Variants in CSMD3 observed in about 807,000 individuals in gnomAD.
CSMD3 encodes CUB and sushi domain-containing protein 3.
A neutral mutation model predicts 435.2 loss-of-function variants in CSMD3; 177 were observed. That is an observed-to-expected ratio of 0.41 (90% CI 0.36 to 0.46). The LOEUF (loss-of-function observed/expected upper bound fraction) is 0.46. CSMD3 is among the 20% of genes least tolerant of loss of function. The probability of loss-of-function intolerance (pLI) is 0.34; values close to 1 mark genes in which losing one functional copy is unlikely to be tolerated. For synonymous variants in CSMD3, 1,656 were observed against 1,520.5 expected (o/e 1.09, Z -2.07); for missense variants, 4,265 against 4,504.6 (o/e 0.95, Z 1.52).
chr8:112,406,689 G>A lies in CSMD3; in HGVS notation c.5644C>T (p.Pro1882Ser), dbSNP rs144106629. The A allele has an allele frequency of 1.2e-6, 2 of 1,611,078 alleles. No homozygotes were observed. The highest frequency in any genetic ancestry group is 2.2e-5 in the East Asian group (1 of 44,750). Reference protein sequence around the residue: ...RTSSTQCSSVPEPRFGRRIGN... With the variant: ...RTSSTQCSSVSEPRFGRRIGN... ...ATTCTTCTTCCGAATCTTGGTTCAG[G>A]CACAGAACTGCATTGTGTAGAACTT... Residue 1882 changes from proline to serine, a missense_variant, in exon 35 of 71, where the codon CCT becomes TCT. Around this residue, in one of 3 missense-constraint regions of CSMD3, gnomAD observed 3,255 missense variants for 3,380.2 expected, o/e 0.96. Coordinates refer to ENST00000297405, the MANE Select transcript of CSMD3 (RefSeq NM_198123.2).
Position 112,945,588 on chromosome 8 carries a change from A to ATGTGTG in CSMD3, c.1508+2196_1508+2201dup, listed in dbSNP as rs10574750. ...AAATATAATAAGAGAATACAGAAAT[A>ATGTGTG]TGTGTGTGTGTGTGTGTGTGTGTGT... On this transcript the variant is annotated intron_variant, in intron 9 of 70. Coordinates refer to ENST00000297405, the MANE Select transcript of CSMD3 (RefSeq NM_198123.2). 6.6e-3 allele frequency among the ~76,000 whole-genome samples: 932 copies of ATGTGTG among 140,676 alleles called. 4 individuals carry two copies. The highest frequency in any genetic ancestry group is 0.015 in the Middle Eastern group (4 of 262). The allele number at this position is 140,676 out of a possible 152,430, so 92.3% of individuals were successfully genotyped here. A position where few individuals can be genotyped will look rare whatever the true frequency, so the allele number is the denominator to read the frequency against.
intron 1 of CSMD3, among the ~76,000 whole-genome samples, chr8:113,371,627 A>T (rs1352802392): frequency 6.6e-6 from 1 of 152,210 alleles, no homozygotes; most frequent in Non-Finnish European, 1.5e-5. Context: ...AGTCAATAAC[A>T]GTGGAAGGTT....
chr8:112,284,886 C>T (rs1819022356), intron 58 of CSMD3, among the ~76,000 whole-genome samples: 1 of 151,822 alleles, frequency 6.6e-6, no homozygotes, highest in African/African-American at 2.4e-5. Context: ...TCTAGTTTTG[C>T]TGCTCCCGCA....
At chr8:112,489,975 A>G (rs1820528423) in intron 31 of CSMD3, among the ~76,000 whole-genome samples, 1 of 152,170 alleles carries the variant, frequency 6.6e-6, no homozygotes. Flanking sequence ...TATTCACATC[A>G]TAATATAGAT....
Position 113,084,609 on chromosome 8 carries a change from AT to A in CSMD3, c.917+14146del, listed in dbSNP as rs560543790. On this transcript the variant is annotated intron_variant, in intron 5 of 70. Coordinates refer to ENST00000297405, the MANE Select transcript of CSMD3 (RefSeq NM_198123.2). ...ATAAAAAATATAAAAAAATTCTAAA[AT>A]TTGAATGGAACCAAAAAAAAAAAAA... 3.0e-3 allele frequency among the ~76,000 whole-genome samples: 370 copies of A among 125,242 alleles called. 1 individual carries two copies. Among genetic ancestry groups the A allele is most frequent in the Non-Finnish European group, 4.8e-3 (292 of 61,462 alleles). 82.2% of individuals were successfully genotyped at this position (125,242 alleles called of 152,430 possible).
chr8:113,175,742 T>A lies in CSMD3; in HGVS notation c.515-1826A>T, dbSNP rs116334129. Among the ~76,000 whole-genome samples the A allele has an allele frequency of 8.3e-3, 1,263 of 152,164 alleles. 16 individuals carry two copies. The highest frequency in any genetic ancestry group is 0.028 in the African/African-American group (1,183 of 41,566). Reference sequence around the variant, plus strand: ...GAATAAGAATTCAATCCTCTGAATATAGTAATAACAAAGGAGATACTTTTA... The same window carrying A: ...GAATAAGAATTCAATCCTCTGAATAAAGTAATAACAAAGGAGATACTTTTA... On this transcript the variant is annotated intron_variant, in intron 3 of 70. Coordinates refer to ENST00000297405, the MANE Select transcript of CSMD3 (RefSeq NM_198123.2).
chr8:113,145,263 C>G (rs1021486405), intron 4 of CSMD3, among the ~76,000 whole-genome samples: 1 of 151,484 alleles, frequency 6.6e-6, no homozygotes, highest in Non-Finnish European at 1.5e-5. Context: ...AGATGTAATG[C>G]AATCACAGTG....
chr8:112,444,350 C>T (rs983237835), intron 32 of CSMD3, among the ~76,000 whole-genome samples: 4 of 152,090 alleles, frequency 2.6e-5, no homozygotes, highest in African/African-American at 9.7e-5. Context: ...CAATTTCATT[C>T]GTAGGTATTG....
intron 6 of CSMD3, among the ~76,000 whole-genome samples, chr8:113,016,727 T>C (rs1044824096): frequency 6.6e-5 from 10 of 151,890 alleles, no homozygotes; most frequent in Non-Finnish European, 1.0e-4. Context: ...TGAATTAGTT[T>C]TAATGTAGAC....
At chr8:113,005,254 C>T (rs1056250919) in intron 6 of CSMD3, among the ~76,000 whole-genome samples, 1 of 151,876 alleles carries the variant, frequency 6.6e-6, no homozygotes, top group African/African-American at 2.4e-5. Flanking sequence ...CAACCAATAA[C>T]AATGGCTATA....
chr8:112,747,373 G>A (rs11784222), intron 13 of CSMD3, among the ~76,000 whole-genome samples: 1 of 151,352 alleles, frequency 6.6e-6, no homozygotes, highest in Non-Finnish European at 1.5e-5. Flanking sequence ...TAATCAATAA[G>A]AACAGGGCCA....
intron 31 of CSMD3, among the ~76,000 whole-genome samples, chr8:112,475,738 T>C (rs937028398): frequency 5.3e-5 from 8 of 152,166 alleles, no homozygotes; most frequent in African/African-American, 1.9e-4. Flanking sequence ...CTAATATTGG[T>C]CTCCAGAAGC....
At chr8:112,763,071 C>T (rs1230334327) in intron 13 of CSMD3, among the ~76,000 whole-genome samples, 5 of 151,632 alleles carry the variant, frequency 3.3e-5, no homozygotes, top group South Asian at 4.1e-4. Context: ...AAAATGATAA[C>T]ATTGTGAGGT....
intron 32 of CSMD3, among the ~76,000 whole-genome samples, chr8:112,439,822 C>T (rs1327168538): frequency 1.3e-5 from 2 of 151,868 alleles, no homozygotes; most frequent in Non-Finnish European, 2.9e-5. Flanking sequence ...GATAAAAGTA[C>T]AGGAGAACTG....
At chr8:112,999,550 T>A (rs778598952) in intron 6 of CSMD3, among the ~76,000 whole-genome samples, 32 of 151,846 alleles carry the variant, frequency 2.1e-4, no homozygotes, top group Non-Finnish European at 1.3e-4. Context: ...AACTGAGGAA[T>A]GCTACTATGT....
chr8:112,455,170 C>T (rs1816704116), intron 32 of CSMD3, among the ~76,000 whole-genome samples: 1 of 152,024 alleles, frequency 6.6e-6, no homozygotes, highest in Non-Finnish European at 1.5e-5. Context: ...TTCACAACAG[C>T]AAAGATGTGG....
chr8:112,724,296 G>T (rs2076920906), intron 13 of CSMD3, among the ~76,000 whole-genome samples: 1 of 151,976 alleles, frequency 6.6e-6, no homozygotes, highest in African/African-American at 2.4e-5. Flanking sequence ...AAAAATGGTG[G>T]AAACGAGAAA....
chr8:112,807,537 T>TAGGTAGGAAGGA (rs1232991977), intron 12 of CSMD3, among the ~76,000 whole-genome samples: 5 of 87,266 alleles, frequency 5.7e-5, no homozygotes, highest in Admixed American at 2.1e-4. Flanking sequence ...GGTAGGTAGG[T>TAGGTAGGAAGGA]AGGAAATACA....
chr8:112,666,842 C>T (rs913541405), intron 16 of CSMD3, among the ~76,000 whole-genome samples: 5 of 152,034 alleles, frequency 3.3e-5, no homozygotes, highest in Non-Finnish European at 7.4e-5. Flanking sequence ...TTCCATTTTC[C>T]AGAGTCACTT....
Sources: allele counts gnomAD v4.1 joint callset (sites outside exome capture counted in the v4.1 genomes callset), GRCh38; gene constraint gnomAD v4.1.1; regional missense constraint gnomAD v4.1.1; transcripts MANE v1.5; gene names NCBI Gene and HGNC (gene_info 2026-07-23, HGNC 2026-07-21).